Variants in RBMS3 observed in about 807,000 individuals in gnomAD.
The protein encoded by RBMS3 is RNA binding motif single stranded interacting protein 3, also known as RNA-binding motif, single-stranded-interacting protein 3.
A neutral mutation model predicts 66.8 loss-of-function variants in RBMS3; 27 were observed. The observed-to-expected ratio is 0.40, with a 90% CI of 0.30 to 0.56. The LOEUF is 0.56. RBMS3 is among the 20% of genes least tolerant of loss of function. The pLI, the probability that RBMS3 is intolerant of heterozygous loss-of-function variation, is 0.40. For missense variants in RBMS3, 513 were observed against 549.5 expected (o/e 0.93, Z 0.66); for synonymous variants, 188 against 183.0 (o/e 1.03, Z -0.22).
intron 12 of RBMS3, among the ~76,000 whole-genome samples, chr3:29,946,475 A>G (rs983601667): frequency 1.3e-5 from 2 of 151,734 alleles, no homozygotes; most frequent in African/African-American, 2.4e-5. Flanking sequence ...AGTGGTAGAC[A>G]CTACACAAAA....
intron 4 of RBMS3, among the ~76,000 whole-genome samples, chr3:29,707,425 A>C (rs2052953676): frequency 6.6e-6 from 1 of 152,228 alleles, no homozygotes; most frequent in Non-Finnish European, 1.5e-5. Context: ...TTTTAAATTA[A>C]GAGCAATATT....
chr3:29,542,312 C>T (rs139282614), intron 3 of RBMS3, among the ~76,000 whole-genome samples: 2,766 of 152,198 alleles, frequency 0.018, 79 homozygotes, highest in African/African-American at 0.062. Context: ...CTTATCCTAA[C>T]AAGCAGGTGG....
At chr3:29,995,336 C>T (rs1365144366) in intron 14 of RBMS3, among the ~76,000 whole-genome samples, 1 of 152,326 alleles carries the variant, frequency 6.6e-6, no homozygotes, top group South Asian at 2.1e-4. Context: ...TTGGAAAACA[C>T]TCTGCAGGAT....
At chr3:29,712,866 T>G (rs1248365711) in intron 4 of RBMS3, among the ~76,000 whole-genome samples, 1 of 152,096 alleles carries the variant, frequency 6.6e-6, no homozygotes, top group African/African-American at 2.4e-5. Context: ...ATGAAATACA[T>G]CTCCAGTTTC....
chr3:29,430,748 A>AT (rs1432348296), intron 1 of RBMS3, among the ~76,000 whole-genome samples: 1 of 113,858 alleles, frequency 8.8e-6, no homozygotes, highest in Non-Finnish European at 1.9e-5. Flanking sequence ...AGCTGGAGAC[A>AT]TTTTTCTGGC....
chr3:29,281,678 C>T lies in RBMS3; in HGVS notation c.-4C>T, dbSNP rs2031794952. The T allele has an allele frequency of 6.2e-7, 1 of 1,613,096 alleles. No homozygotes were observed. The highest frequency in any genetic ancestry group is 8.5e-7 in the Non-Finnish European group (1 of 1,179,268). Reference sequence around the variant, plus strand: ...CCTGCCTCGGAGATAAAGATTCCAGCTACATGGGCAAACGCCTGGATCAGC... The same window carrying T: ...CCTGCCTCGGAGATAAAGATTCCAGTTACATGGGCAAACGCCTGGATCAGC... On this transcript the variant is annotated 5_prime_UTR_variant, in exon 1 of 15. Coordinates refer to ENST00000383767, the MANE Select transcript of RBMS3 (RefSeq NM_001003793.3).
intron 1 of RBMS3, among the ~76,000 whole-genome samples, chr3:29,367,378 G>A (rs898223544): frequency 6.6e-5 from 10 of 152,078 alleles, no homozygotes; most frequent in Admixed American, 1.3e-4. Context: ...TACAATGTGA[G>A]TGTCTACGTG....
chr3:29,659,143 T>G (rs1017563183), intron 4 of RBMS3, among the ~76,000 whole-genome samples: 1 of 152,220 alleles, frequency 6.6e-6, no homozygotes, highest in African/African-American at 2.4e-5. Flanking sequence ...AAATAAACTT[T>G]ATTGAGAAAT....
At chr3:29,703,175 C>T (rs912832690) in intron 4 of RBMS3, among the ~76,000 whole-genome samples, 10 of 152,144 alleles carry the variant, frequency 6.6e-5, no homozygotes, top group East Asian at 1.9e-4. Flanking sequence ...ATTACATTTC[C>T]GAAGCCATAG....
intron 6 of RBMS3, among the ~76,000 whole-genome samples, chr3:29,788,845 C>G (rs1199864091): frequency 6.6e-6 from 1 of 152,072 alleles, no homozygotes; most frequent in Non-Finnish European, 1.5e-5. Context: ...TCCTAAGTCA[C>G]ACCCACACTA....
chr3:29,630,975 G>A (rs2049262569), intron 4 of RBMS3, among the ~76,000 whole-genome samples: 1 of 151,812 alleles, frequency 6.6e-6, no homozygotes, highest in Admixed American at 6.6e-5. Flanking sequence ...TTATTTCAGA[G>A]CTTTCTATTG....
chr3:29,315,341 AG>A (rs1425222912), intron 1 of RBMS3, among the ~76,000 whole-genome samples: 1 of 151,770 alleles, frequency 6.6e-6, no homozygotes, highest in African/African-American at 2.4e-5. Flanking sequence ...GTATTGCAAA[AG>A]TTCAACCACT....
intron 1 of RBMS3, among the ~76,000 whole-genome samples, chr3:29,302,490 A>G (rs769546941): frequency 6.6e-6 from 1 of 152,040 alleles, no homozygotes; most frequent in South Asian, 2.1e-4. Context: ...TTCAGGGAGA[A>G]CACAGTGGAT....
At chr3:29,700,895 C>T (rs577740424) in intron 4 of RBMS3, among the ~76,000 whole-genome samples, 1 of 151,870 alleles carries the variant, frequency 6.6e-6, no homozygotes, top group Non-Finnish European at 1.5e-5. Flanking sequence ...TACACGTATA[C>T]GTTGGAGATT....
chr3:29,443,197 A>G (rs1332285618), intron 2 of RBMS3, among the ~76,000 whole-genome samples: 1 of 151,872 alleles, frequency 6.6e-6, no homozygotes, highest in Non-Finnish European at 1.5e-5. Context: ...TCTTGGGGTA[A>G]CTCTTTTCCC....
intron 1 of RBMS3, among the ~76,000 whole-genome samples, chr3:29,372,245 G>A (rs2038243854): frequency 6.6e-6 from 1 of 152,112 alleles, no homozygotes; most frequent in Admixed American, 6.6e-5. Context: ...CAGGAGAATT[G>A]TTTGAACCCG....
At chr3:29,990,653 G>A (rs1280431794) in intron 13 of RBMS3, among the ~76,000 whole-genome samples, 1 of 152,062 alleles carries the variant, frequency 6.6e-6, no homozygotes, top group African/African-American at 2.4e-5. Context: ...AAACTTTGAT[G>A]TATATTTTTA....
intron 4 of RBMS3, among the ~76,000 whole-genome samples, chr3:29,672,500 TAA>T (rs1280895486): frequency 1.3e-5 from 2 of 152,082 alleles, no homozygotes; most frequent in Non-Finnish European, 2.9e-5. Flanking sequence ...GCAAATTGGA[TAA>T]AGAGTCAAGA....
At chr3:29,865,020 G>T (rs1289477749) in intron 6 of RBMS3, among the ~76,000 whole-genome samples, 2 of 127,518 alleles carry the variant, frequency 1.6e-5, no homozygotes, top group South Asian at 3.0e-4. Context: ...AGGGGAAGGG[G>T]AAGGAGAAGG....
Sources: gnomAD v4.1 joint callset for allele counts (sites outside exome capture counted in the v4.1 genomes callset) on GRCh38, gnomAD v4.1.1 for gene constraint, MANE v1.5 for transcripts, NCBI Gene and HGNC (gene_info 2026-07-23, HGNC 2026-07-21) for gene names.